Variants in ZNF609 observed in about 807,000 individuals in gnomAD.
ZNF609 encodes the protein zinc finger protein 609.
Under a neutral mutation model 109.5 loss-of-function variants are expected in ZNF609, and 11 were observed. The ratio of observed to expected loss-of-function variants is 0.10; its 90% CI spans 0.06 to 0.17. ZNF609 has a LOEUF of 0.17. Among genes scored for constraint, ZNF609 ranks in the 10% least tolerant of loss-of-function variants. The pLI is 1.00. For missense variants in ZNF609, 1,559 were observed against 1,772.4 expected, an observed-to-expected ratio of 0.88 and a Z score of 2.16; for synonymous variants, 646 against 662.0, an observed-to-expected ratio of 0.98 and a Z score of 0.37.
intron 2 of ZNF609, among the ~76,000 whole-genome samples, chr15:64,585,501 T>G (rs1488703829): frequency 6.6e-6 from 1 of 152,220 alleles, no homozygotes. Flanking sequence ...CTTTGTTTCT[T>G]TAAAATTCTG....
chr15:64,471,900 C>CTTTGTT (rs1395408476), intron 1 of ZNF609, among the ~76,000 whole-genome samples: 3 of 142,924 alleles, frequency 2.1e-5, no homozygotes, highest in Non-Finnish European at 3.1e-5. Flanking sequence ...GTAGCTTTTT[C>CTTTGTT]TTTGTTTTTG....
intron 3 of ZNF609, among the ~76,000 whole-genome samples, chr15:64,666,968 A>C (rs1482206849): frequency 6.6e-6 from 1 of 152,150 alleles, no homozygotes; most frequent in African/African-American, 2.4e-5. Flanking sequence ...TCTACTAAAA[A>C]ATACAACAAA....
chr15:64,511,504 G>GTA (rs980765006), intron 2 of ZNF609, among the ~76,000 whole-genome samples: 10 of 150,232 alleles, frequency 6.7e-5, no homozygotes, highest in Admixed American at 4.6e-4. Context: ...AAAAAAGGAG[G>GTA]TATATATAGT....
chr15:64,673,773 T>C, intron 4 of ZNF609, 143 bp from the exon 5 acceptor site: 1 of 967,716 alleles, frequency 1.0e-6, no homozygotes, highest in Non-Finnish European at 1.5e-6. Context: ...TTTAGTGCAA[T>C]TCACAATCAG....
Position 64,577,043 on chromosome 15 carries a change from CACATAAATATATACATATATGTATATAT to C in ZNF609, c.748-45780_748-45753del, listed in dbSNP as rs1170444535. ...ACATAAATATATATATGTATATATACACATAAATATATACATATATGTATATATACACAAATATATACATATATGTATA... is the reference window on the plus strand; with the variant it reads ...ACATAAATATATATATGTATATATACACACAAATATATACATATATGTATA... On this transcript the variant is annotated intron_variant, in intron 2 of 9. Transcript: ENST00000326648. Among the ~76,000 whole-genome samples the C allele has an allele frequency of 1.4e-3, 151 of 111,508 alleles. 1 individual carries two copies. Among genetic ancestry groups the C allele is most frequent in the African/African-American group, 3.2e-3 (100 of 30,822 alleles). 73.2% of individuals were successfully genotyped at this position (111,508 alleles called of 152,430 possible).
chr15:64,473,418 C>T (rs921079387), intron 1 of ZNF609, among the ~76,000 whole-genome samples: 4 of 151,538 alleles, frequency 2.6e-5, no homozygotes, highest in Admixed American at 6.6e-5. Context: ...AGGCTGGTCT[C>T]GAACTGCTGA....
intron 2 of ZNF609, among the ~76,000 whole-genome samples, chr15:64,517,205 A>G (rs575385175): frequency 6.6e-6 from 1 of 152,088 alleles, no homozygotes; most frequent in Non-Finnish European, 1.5e-5. Context: ...GTGAAACTCC[A>G]TGTCTACTAA....
chr15:64,660,965 G>T (rs138262717), intron 3 of ZNF609, among the ~76,000 whole-genome samples: 1 of 151,972 alleles, frequency 6.6e-6, no homozygotes, highest in South Asian at 2.1e-4. Flanking sequence ...TTGTTTGTTT[G>T]TTTGTTTGTT....
intron 2 of ZNF609, among the ~76,000 whole-genome samples, chr15:64,549,517 C>G (rs1407153354): frequency 6.6e-6 from 1 of 152,128 alleles, no homozygotes; most frequent in Non-Finnish European, 1.5e-5. Flanking sequence ...TTAATCCTCA[C>G]AGTTAATGAT....
chr15:64,647,035 T>C, intron 3 of ZNF609, among the ~76,000 whole-genome samples: 1 of 151,370 alleles, frequency 6.6e-6, no homozygotes. Context: ...TTAGGCTTAC[T>C]TAGTACTCCC....
chr15:64,554,552 T>C (rs1894544884), intron 2 of ZNF609, among the ~76,000 whole-genome samples: 1 of 151,950 alleles, frequency 6.6e-6, no homozygotes, highest in South Asian at 2.1e-4. Flanking sequence ...TCCCAGCTAC[T>C]CTGGAGGCTG....
chr15:64,552,536 G>A (rs1818542666), intron 2 of ZNF609, among the ~76,000 whole-genome samples: 3 of 152,052 alleles, frequency 2.0e-5, no homozygotes, highest in Admixed American at 2.0e-4. Flanking sequence ...TCTGTTTTTA[G>A]TAGGGACGGG....
intron 2 of ZNF609, among the ~76,000 whole-genome samples, chr15:64,598,123 T>C (rs1895428535): frequency 6.6e-6 from 1 of 152,164 alleles, no homozygotes; most frequent in Admixed American, 6.6e-5. Context: ...TCTATCTGCT[T>C]TGTTTTGTTT....
At chr15:64,583,304 C>G (rs542719090) in intron 2 of ZNF609, among the ~76,000 whole-genome samples, 113 of 151,738 alleles carry the variant, frequency 7.4e-4, no homozygotes, top group African/African-American at 2.5e-3. Context: ...GATTGCGCCA[C>G]TGCACTCCTG....
chr15:64,478,518 C>G (rs1893204119), intron 1 of ZNF609, among the ~76,000 whole-genome samples: 1 of 151,930 alleles, frequency 6.6e-6, no homozygotes, highest in Non-Finnish European at 1.5e-5. Context: ...TTACAGGTGC[C>G]TGCCACCAAG....
At chr15:64,614,815 T>C (rs1018333170) in intron 2 of ZNF609, among the ~76,000 whole-genome samples, 46 of 137,048 alleles carry the variant, frequency 3.4e-4, no homozygotes, top group African/African-American at 1.2e-3. Context: ...TCTCGCTTTT[T>C]TTTTTTTTTT....
chr15:64,473,308 C>T (rs1893119448), intron 1 of ZNF609, among the ~76,000 whole-genome samples: 1 of 147,276 alleles, frequency 6.8e-6, no homozygotes, highest in Non-Finnish European at 1.5e-5. Flanking sequence ...AAGCGATTCT[C>T]CTGCCTCAGC....
intron 3 of ZNF609, chr15:64,631,286 G>C: frequency 1.5e-6 from 1 of 664,672 alleles, no homozygotes; most frequent in Non-Finnish European, 2.8e-6. Flanking sequence ...AAGCTATCTT[G>C]GCTTTTAGAG....
At chr15:64,540,694 G>A (rs756737715) in intron 2 of ZNF609, among the ~76,000 whole-genome samples, 1 of 151,688 alleles carries the variant, frequency 6.6e-6, no homozygotes, top group Admixed American at 6.6e-5. Flanking sequence ...GTGAGATACC[G>A]TGTCCGGCCA....
Sources: allele counts gnomAD v4.1 joint callset (sites outside exome capture counted in the v4.1 genomes callset), GRCh38; gene constraint gnomAD v4.1.1; transcripts MANE v1.5; gene names NCBI Gene and HGNC (gene_info 2026-07-23, HGNC 2026-07-21).